PSMG2: variants seen among roughly 807,000 people sequenced by gnomAD.
PSMG2 encodes the protein proteasome assembly chaperone 2.
In PSMG2, 21 loss-of-function variants were observed where a neutral mutation model predicts 31.5. The ratio of observed to expected loss-of-function variants is 0.67; its 90% confidence interval spans 0.47 to 0.96. PSMG2 has a LOEUF of 0.96. Among genes scored for constraint, PSMG2 ranks in the 40% least tolerant of loss-of-function variants. The pLI, the probability that PSMG2 is intolerant of heterozygous loss-of-function variation, is 0.00. For missense variants in PSMG2, 318 were observed against 321.2 expected (o/e 0.99, Z 0.08); for synonymous variants, 120 against 110.4 (o/e 1.09, Z -0.54).
At chr18:12,703,528 T>C (rs2040224097) in intron 1 of PSMG2, among the ~76,000 whole-genome samples, 1 of 152,254 alleles carries the variant, frequency 6.6e-6, no homozygotes. Context: ...ATTATCGTTG[T>C]TAACCGGAGA....
At chr18:12,678,570 C>CT (rs2039227777) in intron 1 of PSMG2, 1 of 617,264 alleles carries the variant, frequency 1.6e-6, no homozygotes, top group African/African-American at 1.8e-5. Flanking sequence ...ACTTGTTTTT[C>CT]TTTTTTATAT....
chr18:12,707,871 A>C (rs150426333), intron 2 of PSMG2, among the ~76,000 whole-genome samples: 1 of 152,328 alleles, frequency 6.6e-6, no homozygotes, highest in East Asian at 1.9e-4. Flanking sequence ...GCGATAGTGA[A>C]ATGTACATTT....
intron 2 of PSMG2, among the ~76,000 whole-genome samples, chr18:12,708,327 A>G (rs1002595648): frequency 1.3e-5 from 2 of 151,956 alleles, no homozygotes; most frequent in Non-Finnish European, 2.9e-5. Flanking sequence ...GATAACAGCT[A>G]TCTTTTATTG....
chr18:12,716,228 C>T, intron 3 of PSMG2, among the ~76,000 whole-genome samples: 1 of 152,192 alleles, frequency 6.6e-6, no homozygotes. Flanking sequence ...ACTAGAATCA[C>T]TGCTTTCTTT....
At chr18:12,702,625 G>C (rs1040421709), upstream of PSMG2, 10 of 1,481,410 alleles carry the variant, frequency 6.8e-6, no homozygotes, top group Admixed American at 8.4e-5. Flanking sequence ...GGGCCAGGGA[G>C]CGTTAGGAGC....
Position 12,724,523 on chromosome 18 carries a change from A to G in PSMG2, c.606A>G (p.Ala202=), listed in dbSNP as rs146023149. ...DESCSKEIQM[A]VLLKFVSEGD... is the part of the protein sequence containing the mutation. ...GCTGTTCTAAAGAAATCCAAATGGC[A>G]GTTCTGCTGAAATTTGTTTCAGAAG... The change falls in exon 6 of 7, where the codon GCA becomes GCG. Residue 202 remains alanine (A), a synonymous_variant. Transcript: ENST00000317615. The G allele has an allele frequency of 1.1e-4, 172 of 1,606,510 alleles. No homozygotes were observed. Among genetic ancestry groups the G allele is most frequent in the Middle Eastern group, 1.7e-4 (1 of 6,052 alleles).
chr18:12,697,316 T>A, intron 1 of PSMG2: 2 of 1,613,978 alleles, frequency 1.2e-6, no homozygotes, highest in South Asian at 2.2e-5. Context: ...ACTAAAGTCG[T>A]CTCACCAAAT....
chr18:12,663,625 A>T (rs1451497612), intron 1 of PSMG2, among the ~76,000 whole-genome samples: 1 of 152,230 alleles, frequency 6.6e-6, no homozygotes, highest in Non-Finnish European at 1.5e-5. Context: ...ATAATTGCTT[A>T]AAAATGGAGA....
chr18:12,669,627 T>C (rs2038889206), intron 1 of PSMG2, among the ~76,000 whole-genome samples: 1 of 152,182 alleles, frequency 6.6e-6, no homozygotes, highest in African/African-American at 2.4e-5. Flanking sequence ...CTTGGAGACA[T>C]TATGTTTTTT....
intron 1 of PSMG2, among the ~76,000 whole-genome samples, chr18:12,660,582 AAGCGCTG>A (rs1022729650): frequency 6.6e-6 from 1 of 152,118 alleles, no homozygotes; most frequent in Non-Finnish European, 1.5e-5. Context: ...CAGCCTCCAA[AAGCGCTG>A]GGATTACAGG....
rs144068611 is a variant in PSMG2 at position 12,703,056 on chromosome 18, C to T, written c.-52C>T. ...CTCGGGCTTCCGCCTTCTTGCTGCC[C>T]TCGTTCTTGCCAGGGCCGCGGTTAG... On this transcript the variant is annotated 5_prime_UTR_variant, in exon 1 of 7. Transcript: ENST00000317615. 6.8e-4 allele frequency: 1,076 copies of T among 1,590,780 alleles called. 7 individuals are homozygous for T. The African/African-American group carries it at 0.013, about 19-fold the overall frequency.
intron 2 of PSMG2, among the ~76,000 whole-genome samples, chr18:12,711,932 T>A (rs1305657149): frequency 6.6e-6 from 1 of 152,044 alleles, no homozygotes; most frequent in Non-Finnish European, 1.5e-5. Flanking sequence ...TTTTTTATTT[T>A]TTAGTAGAGA....
At chr18:12,724,423 C>T in intron 5 of PSMG2, 76 bp from the exon 6 acceptor site, 1 of 1,373,676 alleles carries the variant, frequency 7.3e-7, no homozygotes, top group Non-Finnish European at 9.7e-7. Context: ...GTTATCGTAG[C>T]TGTAAAAACA....
chr18:12,672,680 A>G (rs775969074), intron 1 of PSMG2: 1,075 of 978,632 alleles, frequency 1.1e-3, no homozygotes, highest in Non-Finnish European at 1.2e-3. Context: ...GAGGTATAAT[A>G]AAGTTTTTCT....
upstream of PSMG2, chr18:12,699,271 G>A: frequency 1.8e-6 from 2 of 1,140,688 alleles, no homozygotes; most frequent in Non-Finnish European, 2.5e-6. Context: ...CAAGACATTA[G>A]GAAATAAAAA....
At chr18:12,666,340 A>T (rs1430542323) in intron 1 of PSMG2, among the ~76,000 whole-genome samples, 1 of 151,862 alleles carries the variant, frequency 6.6e-6, no homozygotes, top group Non-Finnish European at 1.5e-5. Flanking sequence ...AAAATAAAAA[A>T]TTATTATCTT....
chr18:12,678,099 T>A, intron 1 of PSMG2: 1 of 1,593,970 alleles, frequency 6.3e-7, no homozygotes. Context: ...ACTATTTCAG[T>A]GTGAATTACC....
intron 1 of PSMG2, among the ~76,000 whole-genome samples, chr18:12,678,733 A>T (rs961557835): frequency 7.9e-5 from 12 of 152,058 alleles, no homozygotes; most frequent in African/African-American, 2.9e-4. Context: ...AGGCAGGGGG[A>T]TCACCTGAGG....
intron 2 of PSMG2, among the ~76,000 whole-genome samples, chr18:12,707,377 T>C (rs2040280214): frequency 6.6e-6 from 1 of 152,178 alleles, no homozygotes. Context: ...ACTAATAATA[T>C]GGAAAGGCGA....
Sources: gnomAD v4.1 joint callset for allele counts (sites outside exome capture counted in the v4.1 genomes callset) on GRCh38, gnomAD v4.1.1 for gene constraint, MANE v1.5 for transcripts, NCBI Gene and HGNC (gene_info 2026-07-23, HGNC 2026-07-21) for gene names.